Variants in RPN2 observed in about 807,000 individuals in gnomAD.
The protein encoded by RPN2 is dolichyl-diphosphooligosaccharide--protein glycosyltransferase subunit 2.
RPN2 carries 29 observed loss-of-function variants against 71.4 expected under a neutral mutation model. The ratio of observed to expected loss-of-function variants is 0.41; its 90% CI spans 0.30 to 0.55. RPN2 has a LOEUF of 0.55. Among genes scored for constraint, RPN2 ranks in the 20% least tolerant of loss-of-function variants. RPN2 has a pLI of 0.35. For synonymous variants in RPN2, 308 were observed against 305.0 expected, an observed-to-expected ratio of 1.01 and a Z score of -0.10; for missense variants, 726 against 774.1, an observed-to-expected ratio of 0.94 and a Z score of 0.74.
chr20:37,181,431 CTTTTTTTTTTTT>C (rs748226554), intron 1 of RPN2, among the ~76,000 whole-genome samples: 26 of 129,432 alleles, frequency 2.0e-4, no homozygotes, highest in South Asian at 1.2e-3. Flanking sequence ...TTTTTCTTTT[CTTTTTTTTTTTT>C]TTTTTTGAGA....
At chr20:37,222,204 T>C (rs530806103) in intron 9 of RPN2, among the ~76,000 whole-genome samples, 1 of 152,256 alleles carries the variant, frequency 6.6e-6, no homozygotes, top group African/African-American at 2.4e-5. Context: ...GGCTCCTAGC[T>C]CCCTTCTTGG....
chr20:37,236,408 A>T (rs2068393652), intron 15 of RPN2, among the ~76,000 whole-genome samples, 172 bp from the exon 16 acceptor site: 1 of 152,208 alleles, frequency 6.6e-6, no homozygotes, highest in Admixed American at 6.5e-5. Context: ...CACAGCTGAG[A>T]GGCGAATATA....
At chr20:37,185,249 C>T (rs952667182) in intron 2 of RPN2, among the ~76,000 whole-genome samples, 1 of 151,636 alleles carries the variant, frequency 6.6e-6, no homozygotes, top group Non-Finnish European at 1.5e-5. Context: ...AAGCCATCCA[C>T]CTCAGCTTCC....
intron 13 of RPN2, among the ~76,000 whole-genome samples, chr20:37,230,600 T>G (rs974777108): frequency 6.6e-5 from 10 of 152,148 alleles, no homozygotes; most frequent in Non-Finnish European, 1.2e-4. Context: ...TGTTAAACAC[T>G]TTGGATACTG....
intron 9 of RPN2, among the ~76,000 whole-genome samples, chr20:37,214,969 A>C (rs992866337): frequency 1.3e-5 from 2 of 152,178 alleles, no homozygotes; most frequent in Non-Finnish European, 2.9e-5. Context: ...TCTACATTTT[A>C]AAAATTGGAA....
At chr20:37,216,797 C>T (rs1251552755) in intron 9 of RPN2, among the ~76,000 whole-genome samples, 1 of 152,088 alleles carries the variant, frequency 6.6e-6, no homozygotes, top group Non-Finnish European at 1.5e-5. Context: ...AAGTTGTTTT[C>T]CCCCTTATAT....
At chr20:37,196,060 C>T (rs891001218) in intron 2 of RPN2, among the ~76,000 whole-genome samples, 3 of 151,874 alleles carry the variant, frequency 2.0e-5, no homozygotes, top group East Asian at 1.9e-4. Flanking sequence ...GAGCACCCCG[C>T]GCTTTTTTTT....
intron 15 of RPN2, among the ~76,000 whole-genome samples, chr20:37,234,386 A>G (rs1163206482): frequency 6.6e-6 from 1 of 152,246 alleles, no homozygotes; most frequent in Non-Finnish European, 1.5e-5. Flanking sequence ...CACTTATCGT[A>G]TCTTTACATT....
intron 11 of RPN2, among the ~76,000 whole-genome samples, chr20:37,226,067 G>T (rs1422157134): frequency 6.6e-6 from 1 of 151,972 alleles, no homozygotes; most frequent in African/African-American, 2.4e-5. Context: ...CTTAATTAAG[G>T]TCATTCCTTC....
intron 9 of RPN2, among the ~76,000 whole-genome samples, chr20:37,217,434 A>AGGCACGCGCCACC (rs1026137696): frequency 6.6e-6 from 1 of 151,884 alleles, no homozygotes; most frequent in African/African-American, 2.4e-5. Context: ...CTGGGGCTAC[A>AGGCACGCGCCACC]GGCACGCGCC....
At chr20:37,198,930 G>A (rs964419479) in intron 3 of RPN2, 120 bp from the exon 4 acceptor site, 35 of 820,810 alleles carry the variant, frequency 4.3e-5, no homozygotes, top group Non-Finnish European at 7.2e-5. Context: ...GATTAGAGGG[G>A]GATGAGCATG....
At chr20:37,225,536 G>A in intron 10 of RPN2, 152 bp from the exon 11 acceptor site, 1 of 701,066 alleles carries the variant, frequency 1.4e-6, no homozygotes, top group South Asian at 1.5e-5. Context: ...TTGCCCCCAG[G>A]TTGCAGACAG....
chr20:37,213,025 A>G (rs1395048467), intron 8 of RPN2, among the ~76,000 whole-genome samples: 1 of 151,970 alleles, frequency 6.6e-6, no homozygotes, highest in South Asian at 2.1e-4. Context: ...TAATAAAAGT[A>G]AGATATGTCC....
At chr20:37,200,365 TTTA>T in intron 4 of RPN2, 1 of 451,932 alleles carries the variant, frequency 2.2e-6, no homozygotes, top group East Asian at 6.1e-5. Flanking sequence ...TTTTTTTTTT[TTTA>T]ACACTTAAAC....
intron 13 of RPN2, among the ~76,000 whole-genome samples, chr20:37,231,067 A>G (rs761253446): frequency 3.9e-5 from 6 of 152,032 alleles, no homozygotes; most frequent in Non-Finnish European, 5.9e-5. Flanking sequence ...TTTTTTAAAA[A>G]GTTCTATTTG....
At position 37,234,068 on chromosome 20, in the gene RPN2, A is replaced by G; in HGVS notation, c.1726A>G (p.Thr576Ala). Reference sequence around the variant, plus strand: ...CTCCAACTTCACTTTTGCTCCTAGCACGATTATATTTCACCTGGGACATGC... The same window carrying G: ...CTCCAACTTCACTTTTGCTCCTAGCGCGATTATATTTCACCTGGGACATGC... Reference protein sequence around the residue: ...NVSNFTFAPSTIIFHLGHAAM... With the variant: ...NVSNFTFAPSAIIFHLGHAAM... The change falls in exon 15 of 17, where the codon ACG becomes GCG. Residue 576 changes from threonine to alanine, a missense_variant. Coordinates refer to ENST00000237530, the MANE Select transcript of RPN2 (RefSeq NM_002951.5). The G allele has an allele frequency of 6.2e-7, 1 of 1,614,200 alleles. No homozygotes were observed. Among genetic ancestry groups the G allele is most frequent in the South Asian group, 1.1e-5 (1 of 91,082 alleles).
intron 15 of RPN2, among the ~76,000 whole-genome samples, 153 bp from the exon 16 acceptor site, chr20:37,236,427 G>A (rs2068394050): frequency 1.3e-5 from 2 of 152,208 alleles, no homozygotes. Context: ...TATTGAGTTA[G>A]CTACTTTTTG....
chr20:37,208,829 G>T (rs766728959), intron 7 of RPN2, among the ~76,000 whole-genome samples: 5 of 152,184 alleles, frequency 3.3e-5, no homozygotes, highest in Admixed American at 2.0e-4. Flanking sequence ...CTAAGTGTTG[G>T]GTTTCCACTT....
At chr20:37,203,103 T>A (rs2067429661) in intron 4 of RPN2, among the ~76,000 whole-genome samples, 1 of 152,060 alleles carries the variant, frequency 6.6e-6, no homozygotes, top group South Asian at 2.1e-4. Context: ...ATTTAAATTT[T>A]TTGTAAAGAT....
Sources: gnomAD v4.1 joint callset for allele counts (sites outside exome capture counted in the v4.1 genomes callset) on GRCh38, gnomAD v4.1.1 for gene constraint, MANE v1.5 for transcripts, NCBI Gene and HGNC (gene_info 2026-07-23, HGNC 2026-07-21) for gene names.